Variants in FAM117A observed in about 807,000 individuals in gnomAD.
The protein encoded by FAM117A is protein FAM117A.
Under a neutral mutation model 44.1 loss-of-function variants are expected in FAM117A, and 21 were observed. The ratio of observed to expected loss-of-function variants is 0.48; its 90% CI spans 0.34 to 0.69. The LOEUF is 0.69. Ranked by LOEUF, FAM117A falls within the 30% of genes least tolerant of loss-of-function variation. The pLI is 0.01. For synonymous variants in FAM117A, 220 were observed against 238.3 expected (o/e 0.92, Z 0.71); for missense variants, 498 against 589.9 (o/e 0.84, Z 1.61).
Position 49,717,527 on chromosome 17 carries a change from G to T in FAM117A, c.896C>A (p.Thr299Asn). ...TCGCGGCTTACCTTTGTCGTTGGGG[G>T]TGGATGCCAGCTCCTCGGCGGCACC... ...HRGAAEELAS[T>N]PNDKASSPGH... The change falls in exon 6 of 8, where the codon ACC becomes AAC. Residue 299 changes from threonine (T) to asparagine (N), a missense_variant. Around this residue, in one of 3 missense-constraint regions of FAM117A, gnomAD observed 224 missense variants for 296.5 expected, o/e 0.76. Transcript: ENST00000240364. 6.2e-7 allele frequency: 1 copy of T among 1,614,048 alleles called. No homozygotes were observed. The highest frequency in any genetic ancestry group is 8.5e-7 in the Non-Finnish European group (1 of 1,179,988).
chr17:49,738,099 G>A lies in FAM117A; in HGVS notation c.197-5379C>T, dbSNP rs1441616892. Among the ~76,000 whole-genome samples the A allele has an allele frequency of 5.9e-5, 9 of 152,260 alleles. 1 individual carries two copies. In the South Asian group the frequency reaches 1.0e-3, roughly 18 times the overall value. On this transcript the variant is annotated intron_variant, in intron 1 of 7. Coordinates refer to ENST00000240364, the MANE Select transcript of FAM117A (RefSeq NM_030802.4). Reference sequence around the variant, plus strand: ...GAAGCCTTTGAAACTTGAAGTAAAGGACTCTATTATCTCCTAGGGATAACT... The same window carrying A: ...GAAGCCTTTGAAACTTGAAGTAAAGAACTCTATTATCTCCTAGGGATAACT...
intron 1 of FAM117A, among the ~76,000 whole-genome samples, chr17:49,774,922 C>T (rs2073771662): frequency 6.6e-6 from 1 of 152,156 alleles, no homozygotes; most frequent in African/African-American, 2.4e-5. Flanking sequence ...GAATTAGGTA[C>T]AGTGCCTTGG....
chr17:49,782,704 A>AAC (rs1555599658), intron 1 of FAM117A, among the ~76,000 whole-genome samples: 1 of 151,756 alleles, frequency 6.6e-6, no homozygotes, highest in African/African-American at 2.4e-5. Flanking sequence ...AAAAAAAAAA[A>AAC]AAAAAAACCC....
intron 2 of FAM117A, among the ~76,000 whole-genome samples, chr17:49,730,940 T>C (rs909717821): frequency 3.8e-4 from 58 of 152,328 alleles, no homozygotes; most frequent in African/African-American, 1.3e-3. Flanking sequence ...TTTGGCTCCA[T>C]CTCATCCCTT....
chr17:49,758,610 C>T (rs1330935334), intron 1 of FAM117A, among the ~76,000 whole-genome samples: 4 of 137,794 alleles, frequency 2.9e-5, no homozygotes, highest in South Asian at 4.6e-4. Flanking sequence ...GGTGACAAAG[C>T]GAGACTGTCT....
chr17:49,718,195 G>A (rs1283803501), intron 5 of FAM117A, among the ~76,000 whole-genome samples: 1 of 152,170 alleles, frequency 6.6e-6, no homozygotes, highest in Non-Finnish European at 1.5e-5. Context: ...ACACTCAATG[G>A]TACTTGAACC....
rs754902639 is a variant in FAM117A, at chr17:49,711,369, T to C, written c.1248A>G (p.Pro416=). 4.5e-5 allele frequency: 72 copies of C among 1,610,560 alleles called. No homozygotes were observed. Among genetic ancestry groups the C allele is most frequent in the Non-Finnish European group, 5.9e-5 (69 of 1,178,486 alleles). ...GSPLPPASPR[P]PPRKDPEASK... is the part of the protein sequence containing the mutation. ...AGGCTTCCGGATCCTTCCGAGGTGG[T>C]GGCCTGGGGCTGGCCGGGGGAAGGG... The change falls in exon 8 of 8, where the codon CCA becomes CCG. Residue 416 remains proline (P), a synonymous_variant. Coordinates refer to ENST00000240364, the MANE Select transcript of FAM117A (RefSeq NM_030802.4).
intron 1 of FAM117A, among the ~76,000 whole-genome samples, chr17:49,754,985 C>T (rs554432296): frequency 6.7e-6 from 1 of 149,838 alleles, no homozygotes; most frequent in African/African-American, 2.5e-5. Context: ...TTGTGGTGAG[C>T]CGAGATCGCA....
At chr17:49,784,632 T>C (rs919668381) in intron 1 of FAM117A, among the ~76,000 whole-genome samples, 1 of 152,218 alleles carries the variant, frequency 6.6e-6, no homozygotes, top group Non-Finnish European at 1.5e-5. Context: ...TGTCCTTGTT[T>C]ACTGGCAAAC....
intron 1 of FAM117A, among the ~76,000 whole-genome samples, chr17:49,734,142 CAAAAA>C (rs55925044): frequency 3.4e-5 from 2 of 59,436 alleles, no homozygotes; most frequent in African/African-American, 6.2e-5. Context: ...GACTCTGTCT[CAAAAA>C]AAAAAAAAAA....
chr17:49,787,099 A>G (rs1056309697), intron 1 of FAM117A, among the ~76,000 whole-genome samples: 13 of 152,218 alleles, frequency 8.5e-5, no homozygotes, highest in Admixed American at 2.6e-4. Context: ...AAAAAAAAAG[A>G]AGAGAGAGAA....
rs2073478459 is a variant in FAM117A at position 49,711,524 on chromosome 17, A to T, written c.1093T>A (p.Ser365Thr). 3.1e-6 allele frequency: 5 copies of T among 1,613,908 alleles called. No individual in the cohort carries two copies. The highest frequency in any genetic ancestry group is 1.7e-5 in the Admixed American group (1 of 60,008). ...SPGPDLAFLT[S>T]CPDKNKVHFN... is the part of the protein sequence containing the mutation. ...TGGACTTTGTTCTTGTCAGGACAGG[A>T]AGTCAGGAAGGCCAGGTCAGGACCT... Residue 365 changes from serine to threonine, a missense_variant, in exon 8 of 8, where the codon TCC becomes ACC. By Grantham distance (58) the Ser-to-Thr change is moderately conservative. Around this residue, in one of 3 missense-constraint regions of FAM117A, gnomAD observed 224 missense variants for 296.5 expected, o/e 0.76. Coordinates refer to ENST00000240364, the MANE Select transcript of FAM117A (RefSeq NM_030802.4).
chr17:49,715,880 T>C (rs1170508900), intron 7 of FAM117A, among the ~76,000 whole-genome samples: 1 of 152,022 alleles, frequency 6.6e-6, no homozygotes, highest in Non-Finnish European at 1.5e-5. Context: ...TGGAAAAAAA[T>C]AGAAGAAACA....
At chr17:49,776,248 T>A (rs1793000647) in intron 1 of FAM117A, among the ~76,000 whole-genome samples, 1 of 152,204 alleles carries the variant, frequency 6.6e-6, no homozygotes, top group African/African-American at 2.4e-5. Flanking sequence ...CATCCCCATT[T>A]CACAGGTGAG....
At chr17:49,716,420 A>G in intron 6 of FAM117A, 105 bp from the exon 7 acceptor site, 2 of 1,004,802 alleles carry the variant, frequency 2.0e-6, no homozygotes, top group Non-Finnish European at 2.8e-6. Flanking sequence ...ACACATGGTA[A>G]GGAAGAGGGT....
chr17:49,721,120 A>G (rs2073532256), intron 3 of FAM117A, among the ~76,000 whole-genome samples: 1 of 152,198 alleles, frequency 6.6e-6, no homozygotes, highest in Non-Finnish European at 1.5e-5. Context: ...GGATGGGGAT[A>G]TTCTCCCTTG....
intron 2 of FAM117A, among the ~76,000 whole-genome samples, chr17:49,724,890 A>G (rs1008248822): frequency 6.6e-6 from 1 of 152,014 alleles, no homozygotes; most frequent in African/African-American, 2.4e-5. Flanking sequence ...GGATGTGAAA[A>G]TCATAGCAGC....
chr17:49,773,465 C>CAAAAA (rs969807260), intron 1 of FAM117A: 4 of 64,584 alleles, frequency 6.2e-5, no homozygotes, highest in Non-Finnish European at 1.0e-4. Context: ...AGACTCCAAC[C>CAAAAA]AAAAAAAAAA....
chr17:49,724,637 A>G (rs993587261), intron 2 of FAM117A: 42 of 363,778 alleles, frequency 1.2e-4, no homozygotes, highest in African/African-American at 8.3e-4. Flanking sequence ...GTTCAAGACC[A>G]GCCTGGCAAA....
Sources: allele counts gnomAD v4.1 joint callset (sites outside exome capture counted in the v4.1 genomes callset), GRCh38; gene constraint gnomAD v4.1.1; regional missense constraint gnomAD v4.1.1; transcripts MANE v1.5; gene names NCBI Gene and HGNC (gene_info 2026-07-23, HGNC 2026-07-21).